The following CFAP44 variants were observed in gnomAD, a reference collection of about 807,000 sequenced individuals.
CFAP44 encodes cilia- and flagella-associated protein 44.
In CFAP44, 134 loss-of-function variants were observed where a neutral mutation model predicts 216.2. The observed-to-expected ratio is 0.62, with a 90% CI of 0.54 to 0.72. The LOEUF is 0.72. Ranked by LOEUF, CFAP44 falls within the 30% of genes least tolerant of loss-of-function variation. The probability of loss-of-function intolerance (pLI) is 0.00; values close to 1 mark genes in which losing one functional copy is unlikely to be tolerated. For missense variants in CFAP44, 2,035 were observed against 2,182.1 expected (o/e 0.93, Z 1.34); for synonymous variants, 700 against 727.6 (o/e 0.96, Z 0.61).
chr3:113,436,829 G>C (rs1480978849), intron 1 of CFAP44, among the ~76,000 whole-genome samples: 1 of 152,194 alleles, frequency 6.6e-6, no homozygotes, highest in Non-Finnish European at 1.5e-5. Flanking sequence ...AGTAGGTACT[G>C]TTTAGTTTTC....
chr3:113,327,800 G>C lies in CFAP44; in HGVS notation c.4136C>G (p.Thr1379Ser). 6.5e-7 allele frequency: 1 copy of C among 1,536,788 alleles called. No individual in the cohort carries two copies. Among genetic ancestry groups the C allele is most frequent in the Non-Finnish European group, 8.7e-7 (1 of 1,146,630 alleles). ...AAGGAGACGGAGTTCTGCATCGAAAGTGACAACCAGTTCTTTGATCTGAGA... is the reference window on the plus strand; with the variant it reads ...AAGGAGACGGAGTTCTGCATCGAAACTGACAACCAGTTCTTTGATCTGAGA... ...LVNRIKELVV[T>S]FDAELRLLRH... Residue 1379 changes from threonine to serine, a missense_variant, in exon 27 of 35, where the codon ACT (threonine) becomes AGT (serine). By Grantham distance (58) the Thr-to-Ser change is moderately conservative. This residue lies in a region of CFAP44 where 1,883 missense variants were observed against 2,023.7 expected (regional missense o/e 0.93). Transcript: ENST00000393845.
Position 113,433,643 on chromosome 3 carries a change from C to A in CFAP44, c.22G>T (p.Asp8Tyr), listed in dbSNP as rs1935164870. 3 of 1,613,128 alleles carry A rather than the reference C, an allele frequency of 1.9e-6. No homozygotes were observed. Among genetic ancestry groups the A allele is most frequent in the Non-Finnish European group, 2.5e-6 (3 of 1,179,790 alleles). Reference protein sequence around the residue: MKEPDDQDTDGEKSVTSK... With the variant: MKEPDDQYTDGEKSVTSK... ...GTAACTGATTTCTCCCCATCAGTAT[C>A]CTGATCATCTGGTTCCTTCATTTCC... The change falls in exon 2 of 35, where the codon GAT (aspartate) becomes TAT (tyrosine). Residue 8 changes from aspartate (D) to tyrosine (Y), a missense_variant. Physicochemically the swap from Asp to Tyr is radical, Grantham distance 160. Transcript: ENST00000393845.
At position 113,294,569 on chromosome 3, in the gene CFAP44, A is replaced by G. The variant is rs1183918590; in HGVS notation, c.5373+118T>C. 7.6e-6 allele frequency: 10 copies of G among 1,317,476 alleles called. No homozygotes were observed. In the Admixed American group the frequency reaches 3.1e-4, roughly 40 times the overall value. 81.6% of individuals were successfully genotyped at this position (1,317,476 alleles called of 1,614,324 possible). ...GTCCTCGGGGACGCAGATGGTCTGG[A>G]AGTGGTCCAAGATCAAGCAAGGTTT... On this transcript the variant is annotated intron_variant, in intron 34 of 34. Transcript: ENST00000393845.
At chr3:113,376,631 T>C (rs1026870041) in intron 17 of CFAP44, among the ~76,000 whole-genome samples, 3 of 152,136 alleles carry the variant, frequency 2.0e-5, no homozygotes, top group African/African-American at 4.8e-5. Context: ...AAAAGTCAAA[T>C]GGACAGAGAA....
intron 28 of CFAP44, among the ~76,000 whole-genome samples, chr3:113,317,821 A>T (rs1046460087): frequency 1.3e-5 from 2 of 152,204 alleles, no homozygotes; most frequent in Non-Finnish European, 2.9e-5. Context: ...TCTCCCTGCT[A>T]CAGTCTTTTT....
chr3:113,300,732 C>G (rs1949926659), intron 32 of CFAP44, among the ~76,000 whole-genome samples: 1 of 151,478 alleles, frequency 6.6e-6, no homozygotes, highest in Non-Finnish European at 1.5e-5. Flanking sequence ...CATTAAAGGC[C>G]CAAAGACATA....
intron 32 of CFAP44, among the ~76,000 whole-genome samples, chr3:113,300,623 T>C (rs1169580918): frequency 1.3e-5 from 2 of 151,602 alleles, no homozygotes; most frequent in Non-Finnish European, 2.9e-5. Flanking sequence ...AAAGGATTAG[T>C]ATCAAAAAAA....
At chr3:113,305,399 G>C (rs1949975847) in intron 30 of CFAP44, among the ~76,000 whole-genome samples, 1 of 152,286 alleles carries the variant, frequency 6.6e-6, no homozygotes, top group East Asian at 1.9e-4. Flanking sequence ...GTGAATAAGA[G>C]CCCAGAAGAC....
chr3:113,379,812 A>G (rs949243245), intron 16 of CFAP44, among the ~76,000 whole-genome samples: 3 of 152,228 alleles, frequency 2.0e-5, no homozygotes, highest in African/African-American at 7.2e-5. Context: ...GAAGCTAAAT[A>G]TAACTTCTCT....
chr3:113,416,739 A>C (rs1052176786), intron 5 of CFAP44, 112 bp from the exon 6 acceptor site: 3 of 716,128 alleles, frequency 4.2e-6, no homozygotes, highest in Middle Eastern at 4.2e-4. Flanking sequence ...GCTTTACTCT[A>C]ATAGAAAACT....
intron 16 of CFAP44, among the ~76,000 whole-genome samples, chr3:113,380,695 C>T (rs77131428): frequency 0.081 from 12,324 of 152,174 alleles, 593 homozygotes; most frequent in East Asian, 0.15. Context: ...CTGCAGACCC[C>T]TAAAATTTCC....
At chr3:113,347,832 G>C (rs1559918975) in intron 22 of CFAP44, among the ~76,000 whole-genome samples, 3 of 152,126 alleles carry the variant, frequency 2.0e-5, no homozygotes, top group Non-Finnish European at 4.4e-5. Context: ...ATCTTTATAG[G>C]ACAGGGGTAA....
intron 6 of CFAP44, among the ~76,000 whole-genome samples, chr3:113,416,292 C>A (rs1420338068): frequency 6.6e-6 from 1 of 152,104 alleles, no homozygotes; most frequent in Non-Finnish European, 1.5e-5. Context: ...TTACAGCACA[C>A]CAATGGGTCT....
intron 24 of CFAP44, among the ~76,000 whole-genome samples, chr3:113,334,604 G>T (rs1408664106): frequency 1.3e-5 from 2 of 151,856 alleles, no homozygotes; most frequent in Non-Finnish European, 2.9e-5. Context: ...AGCACAAAGA[G>T]GACAGGTATA....
intron 28 of CFAP44, among the ~76,000 whole-genome samples, chr3:113,319,679 C>G (rs1172320551): frequency 1.3e-5 from 2 of 152,030 alleles, no homozygotes; most frequent in Admixed American, 6.6e-5. Context: ...TGACCACATG[C>G]TTGGTCATAA....
intron 17 of CFAP44, among the ~76,000 whole-genome samples, chr3:113,374,271 C>T (rs919240028): frequency 6.6e-6 from 1 of 151,984 alleles, no homozygotes; most frequent in Non-Finnish European, 1.5e-5. Flanking sequence ...CATTGGCAAG[C>T]TACCAAAATA....
Position 113,407,164 on chromosome 3 carries a change from C to G in CFAP44, c.891-123G>C. The G allele has an allele frequency of 3.9e-6, 3 of 773,566 alleles. No homozygotes were observed. In the South Asian group the frequency reaches 5.3e-5, roughly 14 times the overall value. 47.9% of individuals were successfully genotyped at this position (773,566 alleles called of 1,614,324 possible). On this transcript the variant is annotated intron_variant, in intron 7 of 34. Transcript: ENST00000393845. ...TTATTTCATTCATTCATTCATTTAT[C>G]TGATTAAGATTTATTAAGTATCTAC...
At chr3:113,409,045 A>T in intron 7 of CFAP44, 61 bp downstream of exon 7, 3 of 870,562 alleles carry the variant, frequency 3.4e-6, no homozygotes, top group South Asian at 3.6e-5. Context: ...CAGCTCTTAG[A>T]TCCTCTTAGA....
intron 26 of CFAP44, 66 bp from the exon 27 acceptor site, chr3:113,327,885 A>G: frequency 7.1e-7 from 1 of 1,416,184 alleles, no homozygotes; most frequent in Non-Finnish European, 9.5e-7. Flanking sequence ...AAACTATCTA[A>G]CAGTACTAAT....
Sources: allele counts gnomAD v4.1 joint callset (sites outside exome capture counted in the v4.1 genomes callset), GRCh38; gene constraint gnomAD v4.1.1; regional missense constraint gnomAD v4.1.1; transcripts MANE v1.5; gene names NCBI Gene and HGNC (gene_info 2026-07-23, HGNC 2026-07-21).